WDR25: variants seen among roughly 807,000 people sequenced by gnomAD.
The protein encoded by WDR25 is WD repeat-containing protein 25.
A neutral mutation model predicts 47.7 loss-of-function variants in WDR25; 35 were observed. The observed-to-expected ratio is 0.73, with a 90% CI of 0.56 to 0.97. WDR25 has a LOEUF of 0.97. WDR25 is among the 50% of genes least tolerant of loss of function. The pLI, the probability that WDR25 is intolerant of heterozygous loss-of-function variation, is 0.00. For missense variants in WDR25, 634 were observed against 704.7 expected (o/e 0.90, Z 1.14); for synonymous variants, 248 against 278.9 (o/e 0.89, Z 1.10).
chr14:100,441,931 GA>G (rs1306414747), intron 2 of WDR25, among the ~76,000 whole-genome samples: 10 of 152,166 alleles, frequency 6.6e-5, no homozygotes, highest in African/African-American at 1.9e-4. Flanking sequence ...TTTTATAGCT[GA>G]GAAACTTGTT....
intron 4 of WDR25, among the ~76,000 whole-genome samples, chr14:100,503,532 T>C (rs1212690663): frequency 2.6e-5 from 4 of 152,190 alleles, no homozygotes; most frequent in Non-Finnish European, 1.5e-5. Flanking sequence ...CAGCTGCAGA[T>C]GGGCAAGTGT....
At chr14:100,376,929 G>T (rs539504104) in intron 1 of WDR25, 1 of 275,486 alleles carries the variant, frequency 3.6e-6, no homozygotes, top group Admixed American at 5.9e-5. Context: ...ATTGAATAGT[G>T]AACAAAACAC....
At chr14:100,433,710 CT>C (rs1467337004) in intron 2 of WDR25, among the ~76,000 whole-genome samples, 3 of 152,080 alleles carry the variant, frequency 2.0e-5, no homozygotes, top group Non-Finnish European at 4.4e-5. Flanking sequence ...GACTCATGGA[CT>C]CCTAGTTTCT....
intron 2 of WDR25, among the ~76,000 whole-genome samples, chr14:100,450,250 A>C (rs938436563): frequency 6.6e-6 from 1 of 152,152 alleles, no homozygotes; most frequent in Non-Finnish European, 1.5e-5. Context: ...CTCCAGCCAC[A>C]CTGGCCGCCA....
chr14:100,507,246 C>T (rs1901141427), intron 4 of WDR25, among the ~76,000 whole-genome samples: 1 of 152,100 alleles, frequency 6.6e-6, no homozygotes, highest in African/African-American at 2.4e-5. Context: ...GTTCTCTATT[C>T]TGTTTGATTG....
intron 2 of WDR25, among the ~76,000 whole-genome samples, chr14:100,459,892 G>GTA (rs1899325707): frequency 2.0e-4 from 7 of 35,186 alleles, no homozygotes; most frequent in South Asian, 7.2e-4. Flanking sequence ...ATGTGTGTGT[G>GTA]TGTATATATA....
At chr14:100,421,678 C>A (rs998318833) in intron 2 of WDR25, among the ~76,000 whole-genome samples, 10 of 152,150 alleles carry the variant, frequency 6.6e-5, no homozygotes, top group African/African-American at 2.4e-4. Flanking sequence ...TACTTCATTC[C>A]CTTTCCATTA....
intron 2 of WDR25, among the ~76,000 whole-genome samples, chr14:100,465,466 C>T (rs1899598744): frequency 6.6e-6 from 1 of 152,140 alleles, no homozygotes; most frequent in Non-Finnish European, 1.5e-5. Flanking sequence ...AGTATTTGTC[C>T]TTATGTGTCT....
At chr14:100,414,601 C>T (rs1897815819) in intron 2 of WDR25, among the ~76,000 whole-genome samples, 1 of 152,166 alleles carries the variant, frequency 6.6e-6, no homozygotes, top group Admixed American at 6.5e-5. Context: ...GCATGAGCCA[C>T]CGCACCCGGC....
intron 3 of WDR25, among the ~76,000 whole-genome samples, chr14:100,473,388 G>C (rs1020149728): frequency 7.2e-5 from 11 of 152,314 alleles, no homozygotes; most frequent in Middle Eastern, 3.4e-3. Flanking sequence ...AGCTCCTGCT[G>C]TTGAGGTATG....
At chr14:100,432,685 T>G (rs1438353799) in intron 2 of WDR25, among the ~76,000 whole-genome samples, 2 of 152,266 alleles carry the variant, frequency 1.3e-5, no homozygotes, top group Non-Finnish European at 2.9e-5. Flanking sequence ...TTTCAGTGTG[T>G]GTTTCCTAAA....
chr14:100,519,369 C>T (rs1355012913), intron 4 of WDR25, among the ~76,000 whole-genome samples: 2 of 151,364 alleles, frequency 1.3e-5, no homozygotes, highest in Non-Finnish European at 2.9e-5. Context: ...CTATCTGGTA[C>T]ATGTTGCATA....
intron 2 of WDR25, among the ~76,000 whole-genome samples, chr14:100,431,451 A>T (rs1373666673): frequency 6.6e-6 from 1 of 152,248 alleles, no homozygotes; most frequent in Non-Finnish European, 1.5e-5. Context: ...AATAATCCAT[A>T]AGAACTGAAT....
intron 2 of WDR25, among the ~76,000 whole-genome samples, chr14:100,395,692 G>A (rs766997478): frequency 7.2e-5 from 11 of 152,214 alleles, no homozygotes; most frequent in Non-Finnish European, 1.6e-4. Flanking sequence ...AGTTCCATGA[G>A]GGCAGGGAAT....
chr14:100,443,275 T>C (rs1475571174), intron 2 of WDR25, among the ~76,000 whole-genome samples: 5 of 152,172 alleles, frequency 3.3e-5, no homozygotes, highest in Non-Finnish European at 1.5e-5. Context: ...TTTAGAAAAA[T>C]TTATGTGCCA....
rs1168678740 is a variant in WDR25, at chr14:100,381,258, C to G, written c.334C>G (p.Pro112Ala). 1.9e-6 allele frequency: 3 copies of G among 1,614,104 alleles called. No homozygotes were observed. Among genetic ancestry groups the G allele is most frequent in the East Asian group, 4.5e-5 (2 of 44,874 alleles). Reference sequence around the variant, plus strand: ...TCAAGTCACCTTCCCCATCAAAGAGCCTTCTTGTTCTTCTCTGTGGACGAG... The same window carrying G: ...TCAAGTCACCTTCCCCATCAAAGAGGCTTCTTGTTCTTCTCTGTGGACGAG... ...EPQVTFPIKE[P>A]SCSSLWTSHV... The change falls in exon 2 of 7, where the codon CCT becomes GCT. Residue 112 changes from proline to alanine, a missense_variant. Transcript: ENST00000402312.
At chr14:100,482,798 C>T (rs573116491) in intron 3 of WDR25, among the ~76,000 whole-genome samples, 2 of 152,354 alleles carry the variant, frequency 1.3e-5, no homozygotes, top group South Asian at 2.1e-4. Flanking sequence ...CTTGAGACCT[C>T]GGTGTCTTCA....
In WDR25 at chr14:100,459,880, A is replaced by ATG. The variant is rs1279093956; in HGVS notation, c.823-8140_823-8139insGT. ...GAAATGGATATATATATATATCCGTATATGTGTGTGTGTGTATATATATAT... is the reference window on the plus strand; with the variant it reads ...GAAATGGATATATATATATATCCGTATGTATGTGTGTGTGTGTATATATATAT... On this transcript the variant is annotated intron_variant, in intron 2 of 6. Transcript: ENST00000402312. Among the ~76,000 whole-genome samples the ATG allele has an allele frequency of 1.5e-3, 106 of 71,720 alleles. 2 individuals carry two copies. The highest frequency in any genetic ancestry group is 7.5e-3 in the African/African-American group (101 of 13,494). 47.1% of individuals were successfully genotyped at this position (71,720 alleles called of 152,430 possible).
intron 4 of WDR25, among the ~76,000 whole-genome samples, chr14:100,489,901 T>C (rs1261308287): frequency 6.6e-6 from 1 of 152,220 alleles, no homozygotes; most frequent in Non-Finnish European, 1.5e-5. Context: ...ACAGGCCAGC[T>C]CACTTTCTCC....
Sources: allele counts gnomAD v4.1 joint callset (sites outside exome capture counted in the v4.1 genomes callset), GRCh38; gene constraint gnomAD v4.1.1; transcripts MANE v1.5; gene names NCBI Gene and HGNC (gene_info 2026-07-23, HGNC 2026-07-21).